Variants in CBLIF observed in about 807,000 individuals in gnomAD.
The protein encoded by CBLIF is gastric intrinsic factor (vitamin B synthesis).
CBLIF carries 24 observed loss-of-function variants against 44.9 expected under a neutral mutation model. The observed-to-expected ratio is 0.53, with a 90% CI of 0.39 to 0.75. The LOEUF is 0.75. CBLIF is among the 30% of genes least tolerant of loss of function. CBLIF has a pLI of 0.00. For missense variants in CBLIF, 481 were observed against 513.0 expected, an observed-to-expected ratio of 0.94 and a Z score of 0.60; for synonymous variants, 183 against 190.9, an observed-to-expected ratio of 0.96 and a Z score of 0.34.
At chr11:59,841,447 G>A (rs543770620) in intron 4 of CBLIF, 123 bp from the exon 5 acceptor site, 146 of 744,312 alleles carry the variant, frequency 2.0e-4, no homozygotes, top group Non-Finnish European at 3.3e-4. Context: ...AGAACAACCT[G>A]TGAAACAGTA....
chr11:59,838,303 T>C (rs1012251673), intron 5 of CBLIF, among the ~76,000 whole-genome samples: 2 of 152,188 alleles, frequency 1.3e-5, no homozygotes, highest in Non-Finnish European at 2.9e-5. Context: ...AACTTCTGTC[T>C]ATTGTTGGGG....
At chr11:59,838,904 ATTG>A (rs1384034242) in intron 5 of CBLIF, among the ~76,000 whole-genome samples, 2 of 134,348 alleles carry the variant, frequency 1.5e-5, no homozygotes, top group Non-Finnish European at 3.0e-5. Flanking sequence ...GCTGGAGTGC[ATTG>A]GTGCAATCTT....
At chr11:59,834,249 TTTCTTTCTTTCTTTCTTTC>T (rs1866414334) in intron 7 of CBLIF, among the ~76,000 whole-genome samples, 1 of 80,954 alleles carries the variant, frequency 1.2e-5, no homozygotes, top group African/African-American at 4.9e-5. Flanking sequence ...TTTTTCTTTC[TTTCTTTCTTTCTTTCTTTC>T]TTTCTTTCTT....
In CBLIF at chr11:59,844,094, C is replaced by A. The variant is rs1246208915; in HGVS notation, c.80-39G>T. On this transcript the variant is annotated intron_variant, in intron 1 of 8. Transcript: ENST00000257248. ...AGCCATTTACTCACCTTCTAACCCTCATTCCTTCTCAAAAACATTATCCCC... is the reference window on the plus strand; with the variant it reads ...AGCCATTTACTCACCTTCTAACCCTAATTCCTTCTCAAAAACATTATCCCC... 3 of 1,469,618 alleles carry A rather than the reference C, an allele frequency of 2.0e-6. No homozygotes were observed. In the South Asian group the frequency reaches 3.4e-5, roughly 17 times the overall value. 91.0% of individuals were successfully genotyped at this position (1,469,618 alleles called of 1,614,324 possible).
In CBLIF at chr11:59,843,968, C is replaced by T. The variant is rs1866573287; in HGVS notation, c.167G>A (p.Ser56Asn). The T allele has an allele frequency of 6.2e-7, 1 of 1,613,514 alleles. No homozygotes were observed. ...SVTSSAYPNP[S>N]ILIAMNLAGA... is the part of the protein sequence containing the mutation. The stretch of plus-strand genomic sequence containing the variant: ...GGCCAGATTCATGGCAATCAGGATG[C>T]TGGGGTTTGGGTAGGCTGATGAAGT... The change falls in exon 2 of 9, where the codon AGC becomes AAC. Residue 56 changes from serine (S) to asparagine (N), a missense_variant. Ser to Asn is a conservative substitution (Grantham distance 46). Coordinates refer to ENST00000257248, the MANE Select transcript of CBLIF (RefSeq NM_005142.3).
intron 5 of CBLIF, among the ~76,000 whole-genome samples, chr11:59,839,440 A>C (rs1336666492): frequency 7.9e-5 from 12 of 152,198 alleles, no homozygotes. Flanking sequence ...TATTTAACCT[A>C]ATTGCAACCT....
At chr11:59,843,251 T>C in intron 2 of CBLIF, 110 bp from the exon 3 acceptor site, 1 of 717,944 alleles carries the variant, frequency 1.4e-6, no homozygotes, top group Non-Finnish European at 2.6e-6. Context: ...GACTTTTTAA[T>C]AATATGAGCA....
At position 59,841,220 on chromosome 11, in the gene CBLIF, T is replaced by C; in HGVS notation, c.616A>G (p.Ile206Val). The C allele has an allele frequency of 6.2e-7, 1 of 1,612,724 alleles. No individual in the cohort carries two copies. The highest frequency in any genetic ancestry group is 8.5e-7 in the Non-Finnish European group (1 of 1,178,704). Reference protein sequence around the residue: ...RSLFGQVLKDIVEKISMKIKD... With the variant: ...RSLFGQVLKDVVEKISMKIKD... ...ATCTTCATGCTGATTTTCTCCACAATATCCTTTAGTACCTGACCAAACAGG... is the reference window on the plus strand; with the variant it reads ...ATCTTCATGCTGATTTTCTCCACAACATCCTTTAGTACCTGACCAAACAGG... Residue 206 changes from isoleucine (I) to valine (V), a missense_variant, in exon 5 of 9, where the codon ATT becomes GTT. Physicochemically the swap from Ile to Val is conservative, Grantham distance 29. Transcript: ENST00000257248.
intron 5 of CBLIF, 24 bp downstream of exon 5, chr11:59,841,119 C>T: frequency 6.3e-7 from 1 of 1,584,378 alleles, no homozygotes; most frequent in Admixed American, 1.7e-5. Flanking sequence ...GGAACCCAAC[C>T]AAGAGCATCC....
In CBLIF at chr11:59,844,054, G is replaced by A. The variant is rs777745694; in HGVS notation, c.81C>T (p.Ser27=). ...CCAAGGGCTCCTGTGCTGAGGGAAC[G>A]GCTGAGAAGAGGAAAGCCATTTACT... ...GTSTQTQSSC[S]VPSAQEPLVN... is the part of the protein sequence containing the mutation. The change falls in exon 2 of 9, where the codon TCC becomes TCT. Residue 27 remains serine, a splice_region_variant and synonymous_variant. Transcript: ENST00000257248. 5.0e-6 allele frequency: 8 copies of A among 1,612,290 alleles called. No individual in the cohort carries two copies. The Admixed American group carries it at 5.0e-5, about 10-fold the overall frequency.
chr11:59,835,714 T>A, intron 7 of CBLIF, 94 bp downstream of exon 7: 1 of 1,018,266 alleles, frequency 9.8e-7, no homozygotes, highest in South Asian at 1.3e-5. Context: ...AAATCTGTTA[T>A]CAAAAGGAAA....
At chr11:59,845,214 T>C (rs1866589335) in intron 1 of CBLIF, 161 bp downstream of exon 1, 1 of 965,424 alleles carries the variant, frequency 1.0e-6, no homozygotes, top group African/African-American at 1.6e-5. Flanking sequence ...GAACTTATGC[T>C]ATTAAGTCAG....
Position 59,829,319 on chromosome 11 carries a change from T to C in CBLIF, c.*165A>G, listed in dbSNP as rs145801560. The C allele has an allele frequency of 2.6e-4, 163 of 631,188 alleles. No homozygotes were observed. In the African/African-American group the frequency reaches 2.7e-3, roughly 10 times the overall value. 39.1% of individuals were successfully genotyped at this position (631,188 alleles called of 1,614,324 possible). ...TTTCATGAGTCATAGATGTTGAGAC[T>C]CCAGTGAACTTTGCATTTTTATTCT... On this transcript the variant is annotated 3_prime_UTR_variant, in exon 9 of 9. Coordinates refer to ENST00000257248, the MANE Select transcript of CBLIF (RefSeq NM_005142.3).
In CBLIF at chr11:59,842,371, C is replaced by T. The variant is rs115253137; in HGVS notation, c.511+72G>A. 1.2e-3 allele frequency: 1,908 copies of T among 1,545,014 alleles called. 19 individuals are homozygous for T. The African/African-American group carries it at 0.023, about 19-fold the overall frequency. On this transcript the variant is annotated intron_variant, in intron 4 of 8. Coordinates refer to ENST00000257248, the MANE Select transcript of CBLIF (RefSeq NM_005142.3). ...CATGGGACGCTCTCCTTTGTCACTT[C>T]CCTGCCAGCTCCACCATTCAGTTCA...
At chr11:59,835,630 C>T (rs1866444407) in intron 7 of CBLIF, among the ~76,000 whole-genome samples, 178 bp downstream of exon 7, 1 of 152,090 alleles carries the variant, frequency 6.6e-6, no homozygotes, top group African/African-American at 2.4e-5. Flanking sequence ...CATATGTTGA[C>T]TTATATGATT....
At chr11:59,838,641 A>C (rs565872580) in intron 5 of CBLIF, among the ~76,000 whole-genome samples, 2 of 152,168 alleles carry the variant, frequency 1.3e-5, no homozygotes, top group Non-Finnish European at 2.9e-5. Flanking sequence ...CAGTTGCTTT[A>C]AGGGCCATCA....
At chr11:59,841,678 G>A (rs1648619827) in intron 4 of CBLIF, among the ~76,000 whole-genome samples, 1 of 152,182 alleles carries the variant, frequency 6.6e-6, no homozygotes, top group South Asian at 2.1e-4. Context: ...TTAACCCCCA[G>A]GGAGGATCCT....
rs574261293 is a variant in CBLIF, at chr11:59,831,510, A to G, written c.1192+168T>C. 125 of 408,492 alleles carry G rather than the reference A, an allele frequency of 3.1e-4. 1 individual carries two copies. The South Asian group carries it at 3.7e-3, about 12-fold the overall frequency. The allele number at this position is 408,492 out of a possible 1,614,324, so 25.3% of individuals were successfully genotyped here. ...ATATATATATATATACACAAAATAT[A>G]TGTGTGTATACATATATAAGCAATC... On this transcript the variant is annotated intron_variant, in intron 8 of 8. Transcript: ENST00000257248.
chr11:59,836,109 A>G (rs1003673962), intron 6 of CBLIF, 100 bp from the exon 7 acceptor site: 1 of 924,202 alleles, frequency 1.1e-6, no homozygotes, highest in African/African-American at 1.6e-5. Flanking sequence ...AGACATTTTG[A>G]GAAAGTAGTG....
Sources: allele counts gnomAD v4.1 joint callset (sites outside exome capture counted in the v4.1 genomes callset), GRCh38; gene constraint gnomAD v4.1.1; transcripts MANE v1.5; gene names NCBI Gene and HGNC (gene_info 2026-07-23, HGNC 2026-07-21).